The following JADE1 variants were observed in gnomAD, a reference collection of about 807,000 sequenced individuals.
JADE1 encodes protein Jade-1.
A neutral mutation model predicts 81.8 loss-of-function variants in JADE1; 14 were observed. That is an observed-to-expected ratio of 0.17 (90% CI 0.11 to 0.27). The LOEUF is 0.27. Among genes scored for constraint, JADE1 ranks in the 10% least tolerant of loss-of-function variants. The probability of loss-of-function intolerance (pLI) is 1.00; values close to 1 mark genes in which losing one functional copy is unlikely to be tolerated. For missense variants in JADE1, 690 were observed against 1,047.9 expected (o/e 0.66, Z 4.71); for synonymous variants, 353 against 391.9 (o/e 0.90, Z 1.17).
rs149995022 is a variant in JADE1 at position 128,846,225 on chromosome 4, A to C, written c.139-150A>C. On this transcript the variant is annotated intron_variant, in intron 3 of 10. Coordinates refer to ENST00000226319, the MANE Select transcript of JADE1 (RefSeq NM_199320.4). The surrounding 1 kb of genome is among the most constrained non-coding windows in gnomAD (Gnocchi z 4.0). Reference sequence around the variant, plus strand: ...GCCTGAGTGAGGTAAAAGGCGTGTCAGGCAAAGTTTTTCTGTAATAGGTCA... The same window carrying C: ...GCCTGAGTGAGGTAAAAGGCGTGTCCGGCAAAGTTTTTCTGTAATAGGTCA... 2.8e-5 allele frequency: 21 copies of C among 748,300 alleles called. No individual in the cohort carries two copies. In the East Asian group the frequency reaches 5.0e-4, roughly 18 times the overall value. 46.4% of individuals were successfully genotyped at this position (748,300 alleles called of 1,614,324 possible). A position where few individuals can be genotyped will look rare whatever the true frequency, so the allele number is the denominator to read the frequency against.
intron 6 of JADE1, among the ~76,000 whole-genome samples, chr4:128,854,716 A>G (rs2125874242): frequency 6.6e-6 from 1 of 152,322 alleles, no homozygotes; most frequent in East Asian, 1.9e-4. Context: ...TTATGAATAA[A>G]GTGCTGAACA....
intron 8 of JADE1, 114 bp from the exon 9 acceptor site, chr4:128,861,590 T>G: frequency 8.4e-7 from 1 of 1,190,998 alleles, no homozygotes; most frequent in Non-Finnish European, 1.2e-6. Flanking sequence ...TGGCACATGC[T>G]TGAAGCATGG....
intron 1 of JADE1, among the ~76,000 whole-genome samples, chr4:128,818,257 A>G (rs1303340862): frequency 6.6e-6 from 1 of 151,934 alleles, no homozygotes; most frequent in Non-Finnish European, 1.5e-5. Flanking sequence ...AGTAGCTGGG[A>G]TTACAGGCGT....
At chr4:128,834,877 G>T (rs551138607) in intron 2 of JADE1, among the ~76,000 whole-genome samples, 2 of 152,160 alleles carry the variant, frequency 1.3e-5, no homozygotes, top group East Asian at 3.9e-4. Context: ...TGGGCATGGT[G>T]GCTCATGACT....
chr4:128,837,894 C>T (rs1049474876), intron 2 of JADE1, among the ~76,000 whole-genome samples: 8 of 152,174 alleles, frequency 5.3e-5, no homozygotes, highest in Admixed American at 6.5e-5. Context: ...GCAGCAAACA[C>T]GAAGACTGCC....
At chr4:128,861,569 C>A in intron 8 of JADE1, 135 bp from the exon 9 acceptor site, 1 of 1,037,626 alleles carries the variant, frequency 9.6e-7, no homozygotes, top group Non-Finnish European at 1.4e-6. Context: ...CCACGTACAA[C>A]TTTCCTGTCA....
intron 1 of JADE1, among the ~76,000 whole-genome samples, chr4:128,820,474 G>A (rs763949149): frequency 1.3e-5 from 2 of 152,180 alleles, no homozygotes; most frequent in Non-Finnish European, 2.9e-5. Flanking sequence ...CAGAGTCTAC[G>A]TTGTGAGACT....
At chr4:128,868,942 C>T (rs1560782549) in intron 10 of JADE1, among the ~76,000 whole-genome samples, 1 of 152,140 alleles carries the variant, frequency 6.6e-6, no homozygotes, top group Non-Finnish European at 1.5e-5. Flanking sequence ...ATAGTTGATT[C>T]ACTCTTGTTT....
intron 1 of JADE1, among the ~76,000 whole-genome samples, chr4:128,811,567 G>T (rs2125774963): frequency 6.7e-6 from 1 of 148,764 alleles, no homozygotes; most frequent in South Asian, 2.1e-4. Flanking sequence ...GGCGGGCGGC[G>T]GCCGAGGCGC....
rs1732415144 is a variant in JADE1, at chr4:128,874,376, T to C, written c.*2114T>C. ...TAAGAGGTATCAGATTCATTTGCAC[T>C]ATTAGGAATGCTAGTTTTGTGCAAA... On this transcript the variant is annotated 3_prime_UTR_variant, in exon 11 of 11. Coordinates refer to ENST00000226319, the MANE Select transcript of JADE1 (RefSeq NM_199320.4). 6.6e-6 allele frequency: 1 copy of C among 152,598 alleles called. No individual in the cohort carries two copies. The allele number at this position is 152,598 out of a possible 1,614,324, so 9.5% of individuals were successfully genotyped here. A position where few individuals can be genotyped will look rare whatever the true frequency, so the allele number is the denominator to read the frequency against.
intron 1 of JADE1, among the ~76,000 whole-genome samples, chr4:128,815,191 C>CCCTGTAA (rs59857039): frequency 4.6e-5 from 7 of 151,792 alleles, no homozygotes; most frequent in Non-Finnish European, 5.9e-5. Context: ...AGCTCCGCCT[C>CCCTGTAA]GCGGGTTCAC....
rs745713317 is a variant in JADE1 at position 128,861,870 on chromosome 4, C to T, written c.1148C>T (p.Ala383Val). 6.2e-7 allele frequency: 1 copy of T among 1,614,146 alleles called. No individual in the cohort carries two copies. Among genetic ancestry groups the T allele is most frequent in the Non-Finnish European group, 8.5e-7 (1 of 1,180,008 alleles). ...GAGGAGAGTCTTGGCAAGGGGGCTGCACAGGAGAATGGGGCCCCTGAGTGT... is the reference window on the plus strand; with the variant it reads ...GAGGAGAGTCTTGGCAAGGGGGCTGTACAGGAGAATGGGGCCCCTGAGTGT... The part of the protein sequence containing the change: ...KPEESLGKGA[A>V]QENGAPECSP... Residue 383 changes from alanine (A) to valine (V), a missense_variant, in exon 9 of 11, where the codon GCA becomes GTA. Physicochemically the swap from Ala to Val is moderately conservative, Grantham distance 64. This residue lies in a region of JADE1 where 77 missense variants were observed against 76.4 expected (regional missense o/e 1.01). Coordinates refer to ENST00000226319, the MANE Select transcript of JADE1 (RefSeq NM_199320.4).
At chr4:128,842,752 A>G (rs573234615) in intron 2 of JADE1, among the ~76,000 whole-genome samples, 154 of 152,326 alleles carry the variant, frequency 1.0e-3, no homozygotes, top group African/African-American at 3.4e-3. Flanking sequence ...GAATGAGCAC[A>G]TTAGGCCTGC....
intron 1 of JADE1, among the ~76,000 whole-genome samples, chr4:128,817,329 G>A (rs1489495908): frequency 6.6e-6 from 1 of 152,064 alleles, no homozygotes; most frequent in African/African-American, 2.4e-5. Flanking sequence ...GCACCTGTGT[G>A]GCTGGTGGAA....
intron 1 of JADE1, among the ~76,000 whole-genome samples, chr4:128,822,816 A>G (rs188843157): frequency 6.6e-6 from 1 of 152,344 alleles, no homozygotes; most frequent in East Asian, 1.9e-4. Flanking sequence ...CACATTTCTC[A>G]GAGATGACCA....
chr4:128,868,096 A>G, intron 10 of JADE1, 123 bp downstream of exon 10: 1 of 546,124 alleles, frequency 1.8e-6, no homozygotes, highest in Non-Finnish European at 3.2e-6. Flanking sequence ...ATAGACGTTC[A>G]TATTTAAAGG....
At chr4:128,825,098 G>C (rs1727928744) in intron 1 of JADE1, among the ~76,000 whole-genome samples, 1 of 152,094 alleles carries the variant, frequency 6.6e-6, no homozygotes, top group South Asian at 2.1e-4. Flanking sequence ...GGGGTGCAGT[G>C]GTATGATCTT....
intron 2 of JADE1, among the ~76,000 whole-genome samples, chr4:128,833,574 A>T (rs1175063856): frequency 6.6e-6 from 1 of 152,166 alleles, no homozygotes; most frequent in Non-Finnish European, 1.5e-5. Flanking sequence ...GTGTGCCTGT[A>T]GTCCAGCTAC....
At chr4:128,811,387 C>T (rs1485619137) in intron 1 of JADE1, 2 of 151,992 alleles carry the variant, frequency 1.3e-5, no homozygotes, top group Non-Finnish European at 2.9e-5. Flanking sequence ...GCCTCTCTCC[C>T]CTCCCACCGG....
Sources: allele counts gnomAD v4.1 joint callset (sites outside exome capture counted in the v4.1 genomes callset), GRCh38; gene constraint gnomAD v4.1.1; regional missense constraint gnomAD v4.1.1; non-coding constraint Gnocchi (gnomAD v3.1); transcripts MANE v1.5; gene names NCBI Gene and HGNC (gene_info 2026-07-23, HGNC 2026-07-21).